Variants in ZFHX4 observed in about 807,000 individuals in gnomAD.
The protein encoded by ZFHX4 is zinc finger homeobox protein 4.
ZFHX4 carries 56 observed loss-of-function variants against 267.6 expected under a neutral mutation model. The observed-to-expected ratio is 0.21, with a 90% CI of 0.17 to 0.26. The LOEUF is 0.26. Ranked by LOEUF, ZFHX4 falls within the 10% of genes least tolerant of loss-of-function variation. The probability of loss-of-function intolerance (pLI) is 1.00; values close to 1 mark genes in which losing one functional copy is unlikely to be tolerated. For missense variants in ZFHX4, 4,332 were observed against 4,420.0 expected, an observed-to-expected ratio of 0.98 and a Z score of 0.56; for synonymous variants, 1,778 against 1,665.6, an observed-to-expected ratio of 1.07 and a Z score of -1.64.
In ZFHX4 at chr8:76,854,700, A is replaced by G; in HGVS notation, c.7779A>G (p.Lys2593=). The change falls in exon 10 of 11, where the codon AAA becomes AAG. Residue 2593 remains lysine, a synonymous_variant. Coordinates refer to ENST00000651372, the MANE Select transcript of ZFHX4 (RefSeq NM_024721.5). ...DDKEDNNCSE[K]EGGNSGEDQH... is the part of the protein sequence containing the mutation. ...AAGAAGATAATAATTGCAGTGAAAA[A>G]GAAGGAGGGAATAGCGGTGAAGACC... is the stretch of plus-strand genomic sequence containing the variant. 6.2e-7 allele frequency: 1 copy of G among 1,613,780 alleles called. No homozygotes were observed.
chr8:76,703,636 T>G (rs1021293846), intron 1 of ZFHX4: 1 of 155,524 alleles, frequency 6.4e-6, no homozygotes, highest in Admixed American at 6.3e-5. Flanking sequence ...TTTAGAATTA[T>G]AAGTTATTTC....
In ZFHX4 at chr8:76,864,024, A is replaced by G. The variant is rs749511031; in HGVS notation, c.10310A>G (p.Glu3437Gly). 2.5e-6 allele frequency: 4 copies of G among 1,613,848 alleles called. No homozygotes were observed. Among genetic ancestry groups the G allele is most frequent in the Non-Finnish European group, 3.4e-6 (4 of 1,179,856 alleles). Reference sequence around the variant, plus strand: ...GGTCAGCCTTTGATTGACCCACAAGAGACAGTGCTTCGTGTCCCAGTCAGC... The same window carrying G: ...GGTCAGCCTTTGATTGACCCACAAGGGACAGTGCTTCGTGTCCCAGTCAGC... ...YFGQPLIDPQ[E>G]TVLRVPVSKY... Residue 3437 changes from glutamate to glycine, a missense_variant, in exon 11 of 11, where the codon GAG becomes GGG. This residue lies in a region of ZFHX4 where 1,648 missense variants were observed against 1,625.0 expected (regional missense o/e 1.01). Coordinates refer to ENST00000651372, the MANE Select transcript of ZFHX4 (RefSeq NM_024721.5).
At chr8:76,819,252 T>C (rs1202142026) in intron 4 of ZFHX4, among the ~76,000 whole-genome samples, 13 of 151,922 alleles carry the variant, frequency 8.6e-5, no homozygotes, top group Admixed American at 8.5e-4. Flanking sequence ...GTTTTATTTA[T>C]AACATTTAGA....
In ZFHX4 at chr8:76,849,508, C is replaced by T. The variant is rs371579007; in HGVS notation, c.3646-4C>T. 5 of 1,610,144 alleles carry T rather than the reference C, an allele frequency of 3.1e-6. No homozygotes were observed. The African/African-American group carries it at 5.3e-5, about 17-fold the overall frequency. On this transcript the variant is annotated splice_polypyrimidine_tract_variant and splice_region_variant and intron_variant, in intron 7 of 10. Transcript: ENST00000651372. ...AGTGGCCATGTTTATTCAATATTTT[C>T]CAGTTCTATCAATGTCCTTATTGTA...
chr8:76,809,858 A>G (rs1486786740), intron 4 of ZFHX4, among the ~76,000 whole-genome samples: 1 of 152,228 alleles, frequency 6.6e-6, no homozygotes, highest in African/African-American at 2.4e-5. Flanking sequence ...ACCCAGAGTT[A>G]ACTTACGGTC....
At chr8:76,743,490 G>T (rs1809375421) in intron 3 of ZFHX4, among the ~76,000 whole-genome samples, 2 of 152,142 alleles carry the variant, frequency 1.3e-5, no homozygotes, top group South Asian at 4.1e-4. Context: ...TTCAATGATG[G>T]TCAACTGAAT....
chr8:76,842,616 G>C, intron 5 of ZFHX4, 39 bp from the exon 6 acceptor site: 1 of 1,467,178 alleles, frequency 6.8e-7, no homozygotes, highest in Non-Finnish European at 9.2e-7. Context: ...ACTTTTGGGC[G>C]GTTTTCAGTT....
rs189749659 is a variant in ZFHX4, at chr8:76,713,370, C to T, written c.3093+5322C>T. ...CCTAGGAAGATTGACTAAGACCAGGCATTAGCAACTTACTACATCCATGTC... is the reference window on the plus strand; with the variant it reads ...CCTAGGAAGATTGACTAAGACCAGGTATTAGCAACTTACTACATCCATGTC... On this transcript the variant is annotated intron_variant, in intron 3 of 10. Transcript: ENST00000651372. Among the ~76,000 whole-genome samples the T allele has an allele frequency of 5.2e-4, 79 of 152,206 alleles. 1 individual carries two copies. Among genetic ancestry groups the T allele is most frequent in the Non-Finnish European group, 6.5e-4 (44 of 68,022 alleles).
intron 3 of ZFHX4, among the ~76,000 whole-genome samples, chr8:76,719,362 T>G (rs1229521985): frequency 6.6e-6 from 1 of 152,084 alleles, no homozygotes; most frequent in East Asian, 1.9e-4. Flanking sequence ...AAACCTTTGA[T>G]GATGTTGTGC....
chr8:76,822,450 C>CTGTT (rs1418711368), intron 4 of ZFHX4, among the ~76,000 whole-genome samples: 11 of 137,458 alleles, frequency 8.0e-5, no homozygotes, highest in East Asian at 6.9e-4. Flanking sequence ...CTGTGTCTAC[C>CTGTT]TCTTTTTTTT....
At chr8:76,751,173 A>G (rs1041627785) in intron 3 of ZFHX4, among the ~76,000 whole-genome samples, 5 of 152,082 alleles carry the variant, frequency 3.3e-5, no homozygotes, top group African/African-American at 1.2e-4. Flanking sequence ...TGTCCCTCTC[A>G]TCTCTGTTCA....
chr8:76,829,597 T>G (rs562668573), intron 4 of ZFHX4, among the ~76,000 whole-genome samples: 24 of 152,018 alleles, frequency 1.6e-4, no homozygotes, highest in Non-Finnish European at 2.9e-4. Flanking sequence ...GATCACAAGG[T>G]CAGGAGTTCA....
At chr8:76,718,296 T>C (rs1456543270) in intron 3 of ZFHX4, among the ~76,000 whole-genome samples, 2 of 152,314 alleles carry the variant, frequency 1.3e-5, no homozygotes, top group African/African-American at 4.8e-5. Flanking sequence ...TTACAACACA[T>C]GATAAAGGGA....
At chr8:76,847,304 CAT>C (rs1812388255) in intron 6 of ZFHX4, among the ~76,000 whole-genome samples, 1 of 152,068 alleles carries the variant, frequency 6.6e-6, no homozygotes, top group Non-Finnish European at 1.5e-5. Flanking sequence ...CCTATTTTGA[CAT>C]ATCTTTCGAT....
At chr8:76,859,585 T>C (rs184608748) in intron 10 of ZFHX4, among the ~76,000 whole-genome samples, 1 of 152,288 alleles carries the variant, frequency 6.6e-6, no homozygotes, top group East Asian at 1.9e-4. Context: ...TTAAGCAGTG[T>C]CTGATTTTAA....
At chr8:76,788,412 A>C (rs1336848545) in intron 4 of ZFHX4, among the ~76,000 whole-genome samples, 1 of 152,200 alleles carries the variant, frequency 6.6e-6, no homozygotes, top group Non-Finnish European at 1.5e-5. Context: ...CTTAGCATTC[A>C]GTTACATATT....
At chr8:76,793,579 A>G (rs1810895607) in intron 4 of ZFHX4, among the ~76,000 whole-genome samples, 2 of 152,184 alleles carry the variant, frequency 1.3e-5, no homozygotes, top group Non-Finnish European at 2.9e-5. Flanking sequence ...TTGGGGATGT[A>G]TATTGGCTAC....
chr8:76,735,193 A>C (rs148727466), intron 3 of ZFHX4, among the ~76,000 whole-genome samples: 1,888 of 152,252 alleles, frequency 0.012, 15 homozygotes, highest in Middle Eastern at 0.02. Flanking sequence ...CTTATTGTAC[A>C]TAAGCACATT....
intron 10 of ZFHX4, among the ~76,000 whole-genome samples, chr8:76,859,033 C>A (rs918259286): frequency 6.6e-6 from 1 of 152,154 alleles, no homozygotes; most frequent in Non-Finnish European, 1.5e-5. Context: ...AAAGGCTACG[C>A]CCCAAAATTA....
Sources: allele counts gnomAD v4.1 joint callset (sites outside exome capture counted in the v4.1 genomes callset), GRCh38; gene constraint gnomAD v4.1.1; regional missense constraint gnomAD v4.1.1; transcripts MANE v1.5; gene names NCBI Gene and HGNC (gene_info 2026-07-23, HGNC 2026-07-21).